The following COG5 variants were observed in gnomAD, a reference collection of about 807,000 sequenced individuals.
COG5 encodes component of oligomeric golgi complex 5.
COG5 carries 86 observed loss-of-function variants against 110.4 expected under a neutral mutation model. The ratio of observed to expected loss-of-function variants is 0.78; its 90% CI spans 0.65 to 0.93. The LOEUF is 0.93. COG5 is among the 40% of genes least tolerant of loss of function. The pLI, the probability that COG5 is intolerant of heterozygous loss-of-function variation, is 0.00. For missense variants in COG5, 1,077 were observed against 987.0 expected, an observed-to-expected ratio of 1.09 and a Z score of -1.22; for synonymous variants, 360 against 334.6, an observed-to-expected ratio of 1.08 and a Z score of -0.83.
At chr7:107,288,495 T>C (rs1805836426) in intron 12 of COG5, among the ~76,000 whole-genome samples, 1 of 152,172 alleles carries the variant, frequency 6.6e-6, no homozygotes, top group Admixed American at 6.5e-5. Flanking sequence ...TCTTTTTGTT[T>C]ATAGACATCC....
intron 11 of COG5, among the ~76,000 whole-genome samples, chr7:107,320,992 A>G (rs1263932306): frequency 6.6e-6 from 1 of 152,154 alleles, no homozygotes; most frequent in East Asian, 1.9e-4. Flanking sequence ...CTCTTTATCC[A>G]ATTTAGACAT....
chr7:107,302,891 C>T (rs866455381), intron 11 of COG5, among the ~76,000 whole-genome samples: 1 of 152,156 alleles, frequency 6.6e-6, no homozygotes. Context: ...AACTAAAAAA[C>T]AATATGCTAA....
intron 10 of COG5, among the ~76,000 whole-genome samples, chr7:107,352,305 TGGGGGGA>T (rs954702055): frequency 8.3e-5 from 5 of 59,984 alleles, no homozygotes; most frequent in East Asian, 6.6e-4. Context: ...TGTTGTGGGG[TGGGGGGA>T]GGGGGGAGGG....
intron 21 of COG5, among the ~76,000 whole-genome samples, chr7:107,206,587 T>TA (rs1269579864): frequency 3.9e-5 from 6 of 152,224 alleles, no homozygotes; most frequent in African/African-American, 1.4e-4. Context: ...CACCAAGGTG[T>TA]ATGTATCAGC....
At chr7:107,250,976 G>A (rs1336992119) in intron 16 of COG5, among the ~76,000 whole-genome samples, 1 of 151,822 alleles carries the variant, frequency 6.6e-6, no homozygotes, top group Non-Finnish European at 1.5e-5. Context: ...ACTCGGCAGG[G>A]AAAAAGGCCT....
intron 8 of COG5, among the ~76,000 whole-genome samples, chr7:107,365,052 C>T (rs1195306589): frequency 2.0e-5 from 3 of 151,950 alleles, no homozygotes; most frequent in Admixed American, 6.6e-5. Flanking sequence ...AAAAATAGGT[C>T]AAATTCCTGG....
chr7:107,385,116 A>T (rs573430416), intron 7 of COG5, among the ~76,000 whole-genome samples: 1 of 152,346 alleles, frequency 6.6e-6, no homozygotes, highest in Admixed American at 6.5e-5. Context: ...AAAGAAAAGC[A>T]CAGAGACACA....
intron 14 of COG5, among the ~76,000 whole-genome samples, chr7:107,279,545 C>G (rs1390548384): frequency 2.0e-5 from 3 of 151,920 alleles, no homozygotes; most frequent in African/African-American, 7.2e-5. Flanking sequence ...GATTAAAGAA[C>G]AAAACAGGTA....
rs1325890370 is a variant in COG5, at chr7:107,399,150, C to T, written c.669+13352G>A. Among the ~76,000 whole-genome samples, 6 of 151,998 alleles carry T rather than the reference C, an allele frequency of 3.9e-5. No individual in the cohort carries two copies. The East Asian group carries it at 9.7e-4, about 24-fold the overall frequency. On this transcript the variant is annotated intron_variant, in intron 7 of 21. Transcript: ENST00000297135. ...CCAGGAGATGGAGGTTGCAGTGAGT[C>T]GAGATCGTGCCACTGCATTCCAACC...
chr7:107,208,503 T>C (rs1016328839), intron 21 of COG5: 14 of 985,440 alleles, frequency 1.4e-5, no homozygotes, highest in Non-Finnish European at 1.6e-5. Context: ...AATCCTCTTT[T>C]TAAGACGACT....
chr7:107,473,127 C>T (rs1796740179), intron 6 of COG5: 1 of 151,792 alleles, frequency 6.6e-6, no homozygotes, highest in African/African-American at 2.4e-5. Context: ...GCTTCACATA[C>T]TCCTTTTCCC....
intron 5 of COG5, among the ~76,000 whole-genome samples, chr7:107,546,816 A>G (rs1247841867): frequency 6.6e-6 from 1 of 152,164 alleles, no homozygotes; most frequent in Non-Finnish European, 1.5e-5. Context: ...ACAACTTACA[A>G]AAATTGAATC....
chr7:107,449,093 C>T (rs1795177684), intron 6 of COG5, among the ~76,000 whole-genome samples: 1 of 152,070 alleles, frequency 6.6e-6, no homozygotes, highest in South Asian at 2.1e-4. Context: ...TCAAACACCA[C>T]ATGTTCTCAC....
chr7:107,207,445 T>A (rs769715483), intron 21 of COG5, among the ~76,000 whole-genome samples: 6 of 152,104 alleles, frequency 3.9e-5, no homozygotes, highest in Non-Finnish European at 8.8e-5. Flanking sequence ...TAGATAAAAG[T>A]ACCACTAGGC....
rs753867030 is a variant in COG5 at position 107,415,798 on chromosome 7, A to ATG, written c.539-3168_539-3167dup. 2.7e-3 allele frequency among the ~76,000 whole-genome samples: 279 copies of ATG among 102,048 alleles called. 23 individuals are homozygous for ATG. The highest frequency in any genetic ancestry group is 0.011 in the African/African-American group (234 of 21,214). 66.9% of individuals were successfully genotyped at this position (102,048 alleles called of 152,430 possible). The stretch of plus-strand genomic sequence containing the variant: ...TACACACACATACACGTATGTATGT[A>ATG]TGTGTGTATATATACACACATACAC... On this transcript the variant is annotated intron_variant, in intron 6 of 21. Coordinates refer to ENST00000297135, the MANE Select transcript of COG5 (RefSeq NM_006348.5).
At chr7:107,205,398 AAAAGACC>A (rs1798693982) in intron 21 of COG5, among the ~76,000 whole-genome samples, 3 of 152,172 alleles carry the variant, frequency 2.0e-5, no homozygotes, top group Non-Finnish European at 4.4e-5. Flanking sequence ...ATGTGGCCTA[AAAAGACC>A]CTCAAATCAT....
At chr7:107,323,833 T>C (rs1809522693) in intron 11 of COG5, among the ~76,000 whole-genome samples, 1 of 152,178 alleles carries the variant, frequency 6.6e-6, no homozygotes, top group Admixed American at 6.5e-5. Context: ...AAGGCCTAGG[T>C]ACATTATATG....
At chr7:107,539,782 GACTT>G (rs1166384657) in intron 5 of COG5, among the ~76,000 whole-genome samples, 1 of 152,126 alleles carries the variant, frequency 6.6e-6, no homozygotes, top group Non-Finnish European at 1.5e-5. Context: ...AATAGGGTCA[GACTT>G]ACTTTTCCAT....
intron 6 of COG5, among the ~76,000 whole-genome samples, chr7:107,488,212 T>TC (rs1477228357): frequency 1.3e-5 from 2 of 151,862 alleles, no homozygotes; most frequent in African/African-American, 4.8e-5. Context: ...AAAAATTCCT[T>TC]CCTCTGTTAC....
Sources: gnomAD v4.1 joint callset for allele counts (sites outside exome capture counted in the v4.1 genomes callset) on GRCh38, gnomAD v4.1.1 for gene constraint, MANE v1.5 for transcripts, NCBI Gene and HGNC (gene_info 2026-07-23, HGNC 2026-07-21) for gene names.